The following QPRT variants were observed in gnomAD, a reference collection of about 807,000 sequenced individuals.
QPRT encodes the protein quinolinate phosphoribosyltransferase.
QPRT carries 17 observed loss-of-function variants against 19.8 expected under a neutral mutation model. That is an observed-to-expected ratio of 0.86 (90% CI 0.59 to 1.29). The LOEUF (loss-of-function observed/expected upper bound fraction) is 1.29, where lower values mean the gene tolerates loss of function less well. Ranked by LOEUF, QPRT falls within the 50% of genes most tolerant of loss-of-function variation. The pLI is 0.00. For synonymous variants in QPRT, 178 were observed against 191.0 expected, an observed-to-expected ratio of 0.93 and a Z score of 0.56; for missense variants, 336 against 405.1, an observed-to-expected ratio of 0.83 and a Z score of 1.46.
At chr16:29,684,019 C>G (rs566462834) in intron 1 of QPRT, among the ~76,000 whole-genome samples, 1 of 152,328 alleles carries the variant, frequency 6.6e-6, no homozygotes, top group East Asian at 1.9e-4. Flanking sequence ...AGTCTTCCTT[C>G]TATTTACTTC....
intron 1 of QPRT, among the ~76,000 whole-genome samples, chr16:29,688,978 A>G (rs1186903509): frequency 1.3e-5 from 2 of 150,100 alleles, no homozygotes; most frequent in African/African-American, 4.9e-5. Flanking sequence ...ACGGGGTTTC[A>G]TAATATTGGT....
At chr16:29,685,813 A>C (rs1402862838) in intron 1 of QPRT, among the ~76,000 whole-genome samples, 3 of 152,124 alleles carry the variant, frequency 2.0e-5, no homozygotes, top group Admixed American at 6.6e-5. Context: ...CAGCCTGGGC[A>C]ACATAGCGAG....
rs563466794 is a variant in QPRT, at chr16:29,695,359, T to A, written c.549+160T>A. ...CTCAGCTCCTCCATCTGAGCTGGGC[T>A]CAGTTGAGCTCATCCAGCTAAGCTA... On this transcript the variant is annotated intron_variant, in intron 2 of 3. Coordinates refer to ENST00000395384, the MANE Select transcript of QPRT (RefSeq NM_014298.6). Among the ~76,000 whole-genome samples the A allele has an allele frequency of 6.6e-5, 10 of 152,004 alleles. No individual in the cohort carries two copies. In the East Asian group the frequency reaches 1.7e-3, roughly 26 times the overall value.
chr16:29,683,664 T>C (rs1049240019), intron 1 of QPRT, among the ~76,000 whole-genome samples: 7 of 152,130 alleles, frequency 4.6e-5, no homozygotes, highest in Admixed American at 3.9e-4. Flanking sequence ...TGGCCGAGCA[T>C]TGATTCTTGA....
At chr16:29,694,552 C>A in intron 1 of QPRT, 112 bp from the exon 2 acceptor site, 1 of 1,136,462 alleles carries the variant, frequency 8.8e-7, no homozygotes, top group Non-Finnish European at 1.2e-6. Flanking sequence ...ACCCCTAGAT[C>A]TTGAGGCTGA....
intron 1 of QPRT, among the ~76,000 whole-genome samples, chr16:29,693,163 G>A (rs746596458): frequency 7.9e-5 from 12 of 151,918 alleles, no homozygotes; most frequent in Admixed American, 2.0e-4. Flanking sequence ...TAGTTATTTC[G>A]AAATGTACAG....
chr16:29,695,251 C>A (rs1374327347), intron 2 of QPRT, 52 bp downstream of exon 2: 2 of 1,469,970 alleles, frequency 1.4e-6, no homozygotes, highest in Non-Finnish European at 1.8e-6. Context: ...ACACCCCTCC[C>A]CTCCCCTCCC....
At chr16:29,687,622 C>T (rs949346762) in intron 1 of QPRT, among the ~76,000 whole-genome samples, 19 of 152,238 alleles carry the variant, frequency 1.2e-4, no homozygotes, top group African/African-American at 4.6e-4. Flanking sequence ...TGGCACATGC[C>T]TGTAATCCCA....
chr16:29,684,754 C>T (rs1403456798), intron 1 of QPRT, among the ~76,000 whole-genome samples: 2 of 152,208 alleles, frequency 1.3e-5, no homozygotes, highest in Non-Finnish European at 2.9e-5. Context: ...AAACCAAATC[C>T]GTTCTTTCTC....
Position 29,679,648 on chromosome 16 carries a change from G to C in QPRT, c.13+438G>C, listed in dbSNP as rs567957546. ...CTTGAGTCCCGTGATTCCCTGCCTG[G>C]AGGGAGCTGTATGCAAACTGTTGGG... On this transcript the variant is annotated intron_variant, in intron 1 of 3. Coordinates refer to ENST00000395384, the MANE Select transcript of QPRT (RefSeq NM_014298.6). 2.0e-5 allele frequency among the ~76,000 whole-genome samples: 3 copies of C among 152,250 alleles called. No homozygotes were observed. In the South Asian group the frequency reaches 6.2e-4, roughly 32 times the overall value.
At chr16:29,692,993 G>A (rs1203307028) in intron 1 of QPRT, among the ~76,000 whole-genome samples, 2 of 151,780 alleles carry the variant, frequency 1.3e-5, no homozygotes, top group African/African-American at 4.8e-5. Context: ...TCCGGAAGGC[G>A]GAGGTTGAAG....
chr16:29,686,757 C>T (rs545552851), intron 1 of QPRT, among the ~76,000 whole-genome samples: 4 of 152,280 alleles, frequency 2.6e-5, no homozygotes, highest in South Asian at 2.1e-4. Context: ...CCACTTGCCT[C>T]GGCCTCCCAA....
chr16:29,684,574 C>A (rs1156598151), intron 1 of QPRT, among the ~76,000 whole-genome samples: 1 of 152,100 alleles, frequency 6.6e-6, no homozygotes, highest in Non-Finnish European at 1.5e-5. Context: ...GTCTTGATCT[C>A]CTGACCTCGT....
chr16:29,684,611 C>T (rs563290080), intron 1 of QPRT, among the ~76,000 whole-genome samples: 3 of 151,968 alleles, frequency 2.0e-5, no homozygotes, highest in Middle Eastern at 3.4e-3. Flanking sequence ...CCTCCCAAAG[C>T]GCTGGGATTA....
intron 1 of QPRT, among the ~76,000 whole-genome samples, chr16:29,686,082 ACTCCTGAC>A (rs1967152715): frequency 6.6e-6 from 1 of 151,666 alleles, no homozygotes; most frequent in Non-Finnish European, 1.5e-5. Flanking sequence ...CTGGACTCGA[ACTCCTGAC>A]CTCAGGTGAT....
chr16:29,697,058 C>T lies in QPRT; in HGVS notation c.612C>T (p.Ser204=), dbSNP rs1476707051. The change falls in exon 3 of 4, where the codon AGC becomes AGT. Residue 204 remains serine, a synonymous_variant. Coordinates refer to ENST00000395384, the MANE Select transcript of QPRT (RefSeq NM_014298.6). The surrounding 1 kb of genome is among the most constrained non-coding windows in gnomAD (Gnocchi z 4.4). The part of the protein sequence containing the change: ...FTLKVEVECS[S]LQEAVQAAEA... ...TGAAGGTGGAAGTGGAATGCAGCAGCCTGCAGGAGGCCGTGCAGGCAGCTG... is the reference window on the plus strand; with the variant it reads ...TGAAGGTGGAAGTGGAATGCAGCAGTCTGCAGGAGGCCGTGCAGGCAGCTG... The T allele has an allele frequency of 1.2e-6, 2 of 1,611,934 alleles. No individual in the cohort carries two copies. The highest frequency in any genetic ancestry group is 2.2e-5 in the South Asian group (2 of 90,884).
chr16:29,683,967 T>C (rs1049656264), intron 1 of QPRT, among the ~76,000 whole-genome samples: 85 of 152,300 alleles, frequency 5.6e-4, no homozygotes, highest in African/African-American at 2.0e-3. Flanking sequence ...AAAACCGCTC[T>C]GGCACAGGCC....
At chr16:29,683,143 G>A (rs1967062405) in intron 1 of QPRT, among the ~76,000 whole-genome samples, 1 of 151,530 alleles carries the variant, frequency 6.6e-6, no homozygotes, top group Admixed American at 6.6e-5. Flanking sequence ...TCTCACCCCA[G>A]TCTCCCGAGT....
At chr16:29,696,093 C>T (rs1967523947) in intron 2 of QPRT, 2 of 152,092 alleles carry the variant, frequency 1.3e-5, no homozygotes, top group Admixed American at 1.3e-4. Context: ...CCTTAAACAC[C>T]CCTTCTAATT....
Sources: allele counts gnomAD v4.1 joint callset (sites outside exome capture counted in the v4.1 genomes callset), GRCh38; gene constraint gnomAD v4.1.1; non-coding constraint Gnocchi (gnomAD v3.1); transcripts MANE v1.5; gene names NCBI Gene and HGNC (gene_info 2026-07-23, HGNC 2026-07-21).